The following WWOX variants were observed in gnomAD, a reference collection of about 807,000 sequenced individuals.
WWOX encodes the protein WW domain-containing oxidoreductase.
A neutral mutation model predicts 46.2 loss-of-function variants in WWOX; 69 were observed. That is an observed-to-expected ratio of 1.49 (90% CI 1.23 to 1.82). The LOEUF is 1.82. WWOX is among the 40% of genes most tolerant of loss of function. WWOX has a pLI of 0.00. For synonymous variants in WWOX, 359 were observed against 202.6 expected, an observed-to-expected ratio of 1.77 and a Z score of -6.56; for missense variants, 919 against 542.6, an observed-to-expected ratio of 1.69 and a Z score of -6.89.
intron 8 of WWOX, chr16:79,101,320 T>G (rs1424540153): frequency 6.6e-6 from 1 of 152,200 alleles, no homozygotes; most frequent in Non-Finnish European, 1.5e-5. Flanking sequence ...ACAACTCTGC[T>G]GGTCTCTCTG....
chr16:78,212,242 G>C (rs2036582440), intron 5 of WWOX, among the ~76,000 whole-genome samples: 2 of 152,130 alleles, frequency 1.3e-5, no homozygotes, highest in South Asian at 4.1e-4. Context: ...CCATGGAAAA[G>C]GGGGGATTGA....
At chr16:78,564,759 C>T (rs1157024245) in intron 8 of WWOX, among the ~76,000 whole-genome samples, 7 of 152,168 alleles carry the variant, frequency 4.6e-5, no homozygotes, top group African/African-American at 9.7e-5. Flanking sequence ...CTAATTTCAC[C>T]TATTTCCTTA....
chr16:78,454,443 G>T (rs2083766872), intron 8 of WWOX, among the ~76,000 whole-genome samples: 1 of 151,986 alleles, frequency 6.6e-6, no homozygotes, highest in Admixed American at 6.6e-5. Context: ...ACTTTTATCT[G>T]AGCAGTGTCC....
chr16:78,901,788 G>T (rs986916365), intron 8 of WWOX, among the ~76,000 whole-genome samples: 1 of 152,162 alleles, frequency 6.6e-6, no homozygotes, highest in African/African-American at 2.4e-5. Flanking sequence ...TGCGCCTAGC[G>T]AGGTAGTCAG....
At chr16:78,168,806 C>T (rs1356563794) in intron 5 of WWOX, among the ~76,000 whole-genome samples, 2 of 152,092 alleles carry the variant, frequency 1.3e-5, no homozygotes, top group African/African-American at 4.8e-5. Flanking sequence ...TAAAATACAA[C>T]TTAAGTGAAA....
chr16:78,365,944 A>G (rs938454322), intron 5 of WWOX, among the ~76,000 whole-genome samples: 4 of 152,192 alleles, frequency 2.6e-5, no homozygotes, highest in African/African-American at 9.7e-5. Context: ...TGAACTGGAC[A>G]GAAGTATTAT....
chr16:79,002,323 A>G (rs34261173), intron 8 of WWOX, among the ~76,000 whole-genome samples: 39,110 of 146,172 alleles, frequency 0.27, 5,674 homozygotes, highest in East Asian at 0.57. Flanking sequence ...TTCCAAGTTC[A>G]AGTGATTCTC....
At chr16:78,710,498 A>ATATATATATATATATATATATATTTTTT (rs941311575) in intron 8 of WWOX, among the ~76,000 whole-genome samples, 9 of 132,798 alleles carry the variant, frequency 6.8e-5, no homozygotes, top group African/African-American at 2.6e-4. Context: ...ATATATATAT[A>ATATATATATATATATATATATATTTTTT]TTTATATAAA....
chr16:79,043,375 T>G (rs1369434693), intron 8 of WWOX, among the ~76,000 whole-genome samples: 3 of 152,142 alleles, frequency 2.0e-5, no homozygotes, highest in African/African-American at 7.2e-5. Context: ...AAATTTTGAT[T>G]TGTTCTTTGT....
chr16:79,067,921 C>T (rs115050550), intron 8 of WWOX, among the ~76,000 whole-genome samples: 2 of 152,178 alleles, frequency 1.3e-5, no homozygotes, highest in African/African-American at 4.8e-5. Flanking sequence ...CTGGGAATGC[C>T]TGTGATCCAG....
intron 4 of WWOX, among the ~76,000 whole-genome samples, chr16:78,119,493 G>A (rs1201700518): frequency 6.6e-6 from 1 of 152,142 alleles, no homozygotes; most frequent in Non-Finnish European, 1.5e-5. Context: ...CTAAATGTGG[G>A]ACCACCTACT....
chr16:78,164,337 C>A (rs764450831), intron 5 of WWOX, 48 bp downstream of exon 5: 1 of 1,536,808 alleles, frequency 6.5e-7, no homozygotes, highest in Admixed American at 1.7e-5. Flanking sequence ...AATACACATG[C>A]CGGGCTAACC....
intron 8 of WWOX, among the ~76,000 whole-genome samples, chr16:78,817,169 A>ATTATTTTTT (rs1460643310): frequency 7.5e-5 from 2 of 26,586 alleles, no homozygotes; most frequent in African/African-American, 1.5e-4. Context: ...CATTAGTGCT[A>ATTATTTTTT]TTCTTTTTTT....
At chr16:78,356,650 A>G (rs941890421) in intron 5 of WWOX, among the ~76,000 whole-genome samples, 2 of 152,228 alleles carry the variant, frequency 1.3e-5, no homozygotes, top group African/African-American at 4.8e-5. Flanking sequence ...TGGGAGGCCA[A>G]GGCGAGTGGA....
intron 5 of WWOX, among the ~76,000 whole-genome samples, chr16:78,205,827 A>G (rs924421222): frequency 6.9e-6 from 1 of 144,838 alleles, no homozygotes; most frequent in African/African-American, 2.6e-5. Flanking sequence ...CTTCCTTCCT[A>G]CCTTCCTTCC....
At chr16:78,378,125 C>T (rs1243526423) in intron 5 of WWOX, among the ~76,000 whole-genome samples, 1 of 151,732 alleles carries the variant, frequency 6.6e-6, no homozygotes, top group Non-Finnish European at 1.5e-5. Flanking sequence ...CGCCCTGCCC[C>T]CTGCCTAAAA....
intron 6 of WWOX, among the ~76,000 whole-genome samples, chr16:78,410,896 G>A (rs1279113827): frequency 6.6e-6 from 1 of 151,844 alleles, no homozygotes; most frequent in African/African-American, 2.4e-5. Flanking sequence ...ATGGCTGTTG[G>A]CAGAGGTCAC....
At chr16:78,107,742 G>A (rs1597206656) in intron 1 of WWOX, among the ~76,000 whole-genome samples, 1 of 152,170 alleles carries the variant, frequency 6.6e-6, no homozygotes, top group Non-Finnish European at 1.5e-5. Flanking sequence ...GGCTGAAATA[G>A]GAGGGTTACT....
intron 5 of WWOX, among the ~76,000 whole-genome samples, chr16:78,178,306 A>G (rs1223608056): frequency 6.6e-6 from 1 of 152,192 alleles, no homozygotes; most frequent in South Asian, 2.1e-4. Flanking sequence ...TGCTGTTTTC[A>G]TTCCCGCAAA....
Sources: gnomAD v4.1 joint callset for allele counts (sites outside exome capture counted in the v4.1 genomes callset) on GRCh38, gnomAD v4.1.1 for gene constraint, MANE v1.5 for transcripts, NCBI Gene and HGNC (gene_info 2026-07-23, HGNC 2026-07-21) for gene names.